HTR4: variants seen among roughly 807,000 people sequenced by gnomAD.
HTR4 encodes 5-hydroxytryptamine (serotonin) receptor 4, G protein-coupled.
A neutral mutation model predicts 36.8 loss-of-function variants in HTR4; 16 were observed. The observed-to-expected ratio is 0.43, with a 90% CI of 0.29 to 0.66. HTR4 has a LOEUF of 0.66. Among genes scored for constraint, HTR4 ranks in the 30% least tolerant of loss-of-function variants. The pLI is 0.13. For missense variants in HTR4, 438 were observed against 490.9 expected (o/e 0.89, Z 1.02); for synonymous variants, 189 against 185.1 (o/e 1.02, Z -0.17).
chr5:148,488,639 C>T (rs763877442), intron 6 of HTR4, among the ~76,000 whole-genome samples: 2 of 151,960 alleles, frequency 1.3e-5, no homozygotes, highest in Non-Finnish European at 2.9e-5. Context: ...TTACAAAAGC[C>T]CCTATCAGAC....
At chr5:148,534,934 T>C (rs904029444) in intron 4 of HTR4, among the ~76,000 whole-genome samples, 1 of 149,034 alleles carries the variant, frequency 6.7e-6, no homozygotes, top group African/African-American at 2.5e-5. Flanking sequence ...AGCCCAGGAG[T>C]TCCAAGCCAT....
At chr5:148,540,398 GTGTATATATATATATATATATATATATA>G (rs1400767483) in intron 4 of HTR4, among the ~76,000 whole-genome samples, 1 of 44,824 alleles carries the variant, frequency 2.2e-5, no homozygotes, top group Non-Finnish European at 5.1e-5. Context: ...TTTTATGTGT[GTGTATATATATATATATATATATATATA>G]TATATATATA....
At chr5:148,563,939 A>ACTTC (rs1760326478) in intron 2 of HTR4, among the ~76,000 whole-genome samples, 1 of 152,100 alleles carries the variant, frequency 6.6e-6, no homozygotes, top group Admixed American at 6.6e-5. Context: ...TGACTGAATG[A>ACTTC]ATGAATGAAT....
intron 1 of HTR4, among the ~76,000 whole-genome samples, chr5:148,652,342 C>T (rs1389350250): frequency 1.3e-5 from 2 of 152,070 alleles, no homozygotes; most frequent in African/African-American, 4.8e-5. Flanking sequence ...AGTTCCCAGC[C>T]TGGGTGATGT....
rs560438248 is a variant in HTR4 at position 148,451,856 on chromosome 5, T to C, written c.1077-584A>G. The stretch of plus-strand genomic sequence containing the variant: ...TGTTTATTATTTTTCTGCCGTATCA[T>C]ACAATTGCACTCAATATCTTAATTG... On this transcript the variant is annotated intron_variant, in intron 5 of 5. Transcript: ENST00000521530. Among the ~76,000 whole-genome samples, 3 of 152,362 alleles carry C rather than the reference T, an allele frequency of 2.0e-5. No individual in the cohort carries two copies. The South Asian group carries it at 6.2e-4, about 32-fold the overall frequency.
intron 2 of HTR4, among the ~76,000 whole-genome samples, chr5:148,632,052 CTG>C (rs1485735972): frequency 6.6e-6 from 1 of 152,116 alleles, no homozygotes; most frequent in Non-Finnish European, 1.5e-5. Context: ...GATTCTTTCC[CTG>C]GAAAATTCTT....
chr5:148,548,636 G>T (rs1189773089), intron 4 of HTR4, 32 bp downstream of exon 4: 2 of 1,531,924 alleles, frequency 1.3e-6, no homozygotes, highest in Non-Finnish European at 1.8e-6. Context: ...CTCCAGCATG[G>T]AGCTCCGCTA....
At chr5:148,477,822 C>A (rs1755747216), downstream of HTR4, among the ~76,000 whole-genome samples, 2 of 152,084 alleles carry the variant, frequency 1.3e-5, no homozygotes, top group Non-Finnish European at 2.9e-5. Context: ...TGCCCTAGTG[C>A]ATTTGTATTT....
At chr5:148,541,193 G>A (rs1265355730) in intron 4 of HTR4, among the ~76,000 whole-genome samples, 2 of 152,142 alleles carry the variant, frequency 1.3e-5, no homozygotes. Context: ...AACCAGTCAA[G>A]CTGTGACTGA....
At chr5:148,586,490 G>A (rs1338660627) in intron 2 of HTR4, among the ~76,000 whole-genome samples, 1 of 152,000 alleles carries the variant, frequency 6.6e-6, no homozygotes, top group Non-Finnish European at 1.5e-5. Context: ...ATGGCGGCAG[G>A]AGACAGAGAG....
intron 5 of HTR4, among the ~76,000 whole-genome samples, chr5:148,462,463 CAAG>C (rs926491314): frequency 6.5e-4 from 98 of 151,810 alleles, no homozygotes; most frequent in African/African-American, 2.3e-3. Context: ...TGCTAATACA[CAAG>C]AAGAAATAGA....
At chr5:148,534,590 G>A (rs1758723402) in intron 4 of HTR4, among the ~76,000 whole-genome samples, 1 of 152,092 alleles carries the variant, frequency 6.6e-6, no homozygotes. Flanking sequence ...GCTACCCTTG[G>A]ACTAATGAAG....
At chr5:148,619,314 A>G (rs1386027937) in intron 2 of HTR4, among the ~76,000 whole-genome samples, 6 of 152,218 alleles carry the variant, frequency 3.9e-5, no homozygotes, top group Admixed American at 3.9e-4. Flanking sequence ...ATGAACTACA[A>G]TTAATGATGC....
At chr5:148,534,616 G>A (rs1758724635) in intron 4 of HTR4, among the ~76,000 whole-genome samples, 1 of 152,086 alleles carries the variant, frequency 6.6e-6, no homozygotes, top group Non-Finnish European at 1.5e-5. Flanking sequence ...AAGACCCTAA[G>A]TGCCTTCTCT....
At chr5:148,590,367 T>A (rs1488631094) in intron 2 of HTR4, among the ~76,000 whole-genome samples, 1 of 138,192 alleles carries the variant, frequency 7.2e-6, no homozygotes, top group Non-Finnish European at 1.5e-5. Context: ...GGCGTGATCT[T>A]GGCTCACCAC....
intron 5 of HTR4, among the ~76,000 whole-genome samples, chr5:148,460,359 A>G (rs891056542): frequency 6.6e-6 from 1 of 152,154 alleles, no homozygotes; most frequent in Non-Finnish European, 1.5e-5. Context: ...TTTTCCAACT[A>G]AAGAAAATCA....
chr5:148,638,130 A>C (rs112964103), intron 1 of HTR4, among the ~76,000 whole-genome samples: 2 of 152,224 alleles, frequency 1.3e-5, no homozygotes, highest in African/African-American at 4.8e-5. Flanking sequence ...GCTGGCAGCC[A>C]CGAAGAGAAT....
At chr5:148,476,109 A>G (rs1043698051), downstream of HTR4, among the ~76,000 whole-genome samples, 2 of 152,296 alleles carry the variant, frequency 1.3e-5, no homozygotes, top group Non-Finnish European at 2.9e-5. Flanking sequence ...AAAATCTGAC[A>G]TTTTATGACA....
At chr5:148,451,087 C>G in exon 6 of HTR4, 1 of 1,582,836 alleles carries the variant, frequency 6.3e-7, no homozygotes, top group Non-Finnish European at 8.6e-7. Flanking sequence ...TACCTGATGC[C>G]TCACTGGTGG....
Sources: allele counts gnomAD v4.1 joint callset (sites outside exome capture counted in the v4.1 genomes callset), GRCh38; gene constraint gnomAD v4.1.1; transcripts MANE v1.5; gene names NCBI Gene and HGNC (gene_info 2026-07-23, HGNC 2026-07-21).